The following NFIC variants were observed in gnomAD, a reference collection of about 807,000 sequenced individuals.
NFIC encodes the protein nuclear factor 1 C-type.
In NFIC, 12 loss-of-function variants were observed where a neutral mutation model predicts 54.4. That is an observed-to-expected ratio of 0.22 (90% CI 0.14 to 0.36). NFIC has a LOEUF of 0.36. Ranked by LOEUF, NFIC falls within the 10% of genes least tolerant of loss-of-function variation. The probability of loss-of-function intolerance (pLI) is 1.00; values close to 1 mark genes in which losing one functional copy is unlikely to be tolerated. For missense variants in NFIC, 575 were observed against 718.2 expected (o/e 0.80, Z 2.28); for synonymous variants, 322 against 319.2 (o/e 1.01, Z -0.09).
chr19:3,360,436 A>C (rs2080796068), intron 1 of NFIC, among the ~76,000 whole-genome samples: 1 of 151,096 alleles, frequency 6.6e-6, no homozygotes, highest in Non-Finnish European at 1.5e-5. Flanking sequence ...CGGTGGCTGC[A>C]CTTGGGGTTC....
intron 7 of NFIC, among the ~76,000 whole-genome samples, chr19:3,449,759 CAAAAA>C (rs57195995): frequency 1.1e-5 from 1 of 88,692 alleles, no homozygotes; most frequent in Admixed American, 1.3e-4. Context: ...GATTCCATCT[CAAAAA>C]AAAAAAAAAA....
At position 3,360,794 on chromosome 19, in the gene NFIC, C is replaced by CGTGTCCCTGGGTGACCGTGGG. The variant is rs1354732172; in HGVS notation, c.3+1117_3+1137dup. On this transcript the variant is annotated intron_variant, in intron 1 of 9. Transcript: ENST00000395111. ...GCTGGGCTGCGTGTCCGCGGAGCCG[C>CGTGTCCCTGGGTGACCGTGGG]GTGTCCCTGGGTGACCGTGGGGTGT... 4.6e-5 allele frequency among the ~76,000 whole-genome samples: 7 copies of CGTGTCCCTGGGTGACCGTGGG among 152,314 alleles called. No homozygotes were observed. In the East Asian group the frequency reaches 7.7e-4, roughly 17 times the overall value.
intron 6 of NFIC, among the ~76,000 whole-genome samples, chr19:3,444,079 A>T (rs1469322031): frequency 6.7e-6 from 1 of 150,114 alleles, no homozygotes; most frequent in Admixed American, 6.6e-5. Flanking sequence ...GGCTGCTCCG[A>T]CGGGGTGATG....
chr19:3,394,620 G>A (rs978095158), intron 2 of NFIC, among the ~76,000 whole-genome samples: 3 of 147,810 alleles, frequency 2.0e-5, no homozygotes, highest in African/African-American at 7.5e-5. Flanking sequence ...TGGGCAGGCC[G>A]TGCTAAGACA....
chr19:3,432,670 CTTTTT>C (rs33968415), intron 3 of NFIC, among the ~76,000 whole-genome samples: 6 of 129,478 alleles, frequency 4.6e-5, no homozygotes, highest in African/African-American at 8.9e-5. Flanking sequence ...GCTTTCCGCT[CTTTTT>C]TTTTTTTTTT....
intron 2 of NFIC, among the ~76,000 whole-genome samples, chr19:3,397,683 G>A (rs1187303344): frequency 8.6e-5 from 5 of 57,892 alleles, no homozygotes; most frequent in Non-Finnish European, 1.5e-4. Context: ...TGGCGGCAAC[G>A]GGGCAGCTGA....
rs1460482236 is a variant in NFIC, at chr19:3,463,122, C to T, written c.*353C>T. 5.1e-6 allele frequency: 6 copies of T among 1,168,712 alleles called. No individual in the cohort carries two copies. The highest frequency in any genetic ancestry group is 6.3e-6 in the Non-Finnish European group (6 of 945,412). The allele number at this position is 1,168,712 out of a possible 1,614,324, so 72.4% of individuals were successfully genotyped here. Reference sequence around the variant, plus strand: ...GGGCGTCTTCCTAAGTTATTCATCTCCTCTCCGCCTGCTGCTCGGGAAGGA... The same window carrying T: ...GGGCGTCTTCCTAAGTTATTCATCTTCTCTCCGCCTGCTGCTCGGGAAGGA... On this transcript the variant is annotated 3_prime_UTR_variant, in exon 11 of 11. Coordinates refer to ENST00000443272, the MANE Select transcript of NFIC (RefSeq NM_001245002.2).
intron 10 of NFIC, 26 bp downstream of exon 10, chr19:3,456,661 G>A (rs1231453336): frequency 3.4e-6 from 5 of 1,488,830 alleles, no homozygotes; most frequent in African/African-American, 1.4e-5. Context: ...CCGGCTGGTG[G>A]GGTGGGAGGG....
At chr19:3,407,785 G>C (rs1318014001) in intron 2 of NFIC, among the ~76,000 whole-genome samples, 1 of 152,108 alleles carries the variant, frequency 6.6e-6, no homozygotes, top group Non-Finnish European at 1.5e-5. Context: ...CTGGGGACTA[G>C]AACAAACGTT....
chr19:3,423,244 G>A (rs929270050), intron 2 of NFIC, among the ~76,000 whole-genome samples: 3 of 151,958 alleles, frequency 2.0e-5, no homozygotes, highest in African/African-American at 4.8e-5. Context: ...TAATAATGGG[G>A]CGGACTCTCG....
chr19:3,409,935 C>T (rs1008323537), intron 2 of NFIC, among the ~76,000 whole-genome samples: 1 of 152,202 alleles, frequency 6.6e-6, no homozygotes, highest in Non-Finnish European at 1.5e-5. Context: ...TGGCCGGCTG[C>T]GGTGGCTCGC....
intron 2 of NFIC, among the ~76,000 whole-genome samples, chr19:3,399,448 T>C (rs2081519141): frequency 1.3e-5 from 2 of 152,066 alleles, no homozygotes; most frequent in Non-Finnish European, 2.9e-5. Flanking sequence ...TGGTGATGTG[T>C]GCCTGTAGCC....
Position 3,379,680 on chromosome 19 carries a change from T to TC in NFIC, c.31-2032_31-2031insC, listed in dbSNP as rs1305340385. On this transcript the variant is annotated intron_variant, in intron 1 of 10. Coordinates refer to ENST00000443272, the MANE Select transcript of NFIC (RefSeq NM_001245002.2). ...ATTTTTTTTTATTTCTTTCTTTTTT[T>TC]TTTTTTTTTTTTTTTTGAGTCAGGA... Among the ~76,000 whole-genome samples the TC allele has an allele frequency of 1.4e-4, 7 of 49,802 alleles. No individual in the cohort carries two copies. The East Asian group carries it at 2.5e-3, about 18-fold the overall frequency. 32.7% of individuals were successfully genotyped at this position (49,802 alleles called of 152,430 possible).
intron 1 of NFIC, among the ~76,000 whole-genome samples, chr19:3,374,239 G>A (rs539751030): frequency 5.9e-5 from 9 of 152,262 alleles, no homozygotes; most frequent in Admixed American, 2.0e-4. Context: ...TGGCGTGGTC[G>A]TTCAGCAAGG....
chr19:3,465,721 C>G lies in NFIC; in HGVS notation c.*2952C>G, dbSNP rs1599741856. On this transcript the variant is annotated 3_prime_UTR_variant, in exon 11 of 11. Transcript: ENST00000443272. Reference sequence around the variant, plus strand: ...TTGGTCCCTAGGCCACGGGCCGGCCCCCAGACACCATTCACCGACCCACTG... The same window carrying G: ...TTGGTCCCTAGGCCACGGGCCGGCCGCCAGACACCATTCACCGACCCACTG... 1 of 152,268 alleles carries G rather than the reference C, an allele frequency of 6.6e-6. No homozygotes were observed. The highest frequency in any genetic ancestry group is 1.5e-5 in the Non-Finnish European group (1 of 68,096). The allele number at this position is 152,268 out of a possible 1,614,324, so 9.4% of individuals were successfully genotyped here.
chr19:3,399,587 A>C lies in NFIC; in HGVS notation c.562+17344A>C, dbSNP rs571011025. Among the ~76,000 whole-genome samples the C allele has an allele frequency of 2.0e-5, 3 of 148,896 alleles. No individual in the cohort carries two copies. The South Asian group carries it at 6.5e-4, about 32-fold the overall frequency. On this transcript the variant is annotated intron_variant, in intron 2 of 10. Transcript: ENST00000443272. Reference sequence around the variant, plus strand: ...CAACACCCTGTCTCAAAAAATAAAAATAGGCCAGGCATGGTGGCTCATGCC... The same window carrying C: ...CAACACCCTGTCTCAAAAAATAAAACTAGGCCAGGCATGGTGGCTCATGCC...
intron 2 of NFIC, among the ~76,000 whole-genome samples, chr19:3,387,889 G>A (rs553735801): frequency 6.6e-6 from 1 of 152,244 alleles, no homozygotes; most frequent in South Asian, 2.1e-4. Context: ...GGCCCAGAGA[G>A]GGAAGCTGTC....
At chr19:3,380,920 C>G (rs192380723) in intron 1 of NFIC, among the ~76,000 whole-genome samples, 23 of 152,294 alleles carry the variant, frequency 1.5e-4, no homozygotes, top group African/African-American at 5.3e-4. Flanking sequence ...TCCCGAAGCG[C>G]TGGGATTACA....
rs1189614059 is a variant in NFIC at position 3,464,326 on chromosome 19, G to C, written c.*1557G>C. On this transcript the variant is annotated 3_prime_UTR_variant, in exon 11 of 11. Transcript: ENST00000443272. ...GGGGCCCCCCGCAGCCGTGTAGGGG[G>C]CCTCCCATCTGCTAAGCGTTTTTCC... 1.0e-6 allele frequency: 1 copy of C among 984,972 alleles called. No individual in the cohort carries two copies. Among genetic ancestry groups the C allele is most frequent in the African/African-American group, 1.7e-5 (1 of 57,146 alleles). 61.0% of individuals were successfully genotyped at this position (984,972 alleles called of 1,614,324 possible). A position where few individuals can be genotyped will look rare whatever the true frequency, so the allele number is the denominator to read the frequency against.
Sources: gnomAD v4.1 joint callset for allele counts (sites outside exome capture counted in the v4.1 genomes callset) on GRCh38, gnomAD v4.1.1 for gene constraint, MANE v1.5 for transcripts, NCBI Gene and HGNC (gene_info 2026-07-23, HGNC 2026-07-21) for gene names.